The following TNPO1 variants were observed in gnomAD, a reference collection of about 807,000 sequenced individuals.
TNPO1 encodes transportin 1, also known as transportin-1.
Under a neutral mutation model 119.5 loss-of-function variants are expected in TNPO1, and 8 were observed. The observed-to-expected ratio is 0.07, with a 90% confidence interval of 0.04 to 0.12. TNPO1 has a LOEUF of 0.12. Ranked by LOEUF, TNPO1 falls within the 10% of genes least tolerant of loss-of-function variation. The pLI is 1.00. For missense variants in TNPO1, 576 were observed against 1,089.8 expected (o/e 0.53, Z 6.64); for synonymous variants, 362 against 363.0 (o/e 1.00, Z 0.03).
At position 72,885,405 on chromosome 5, in the gene TNPO1, T is replaced by C. The variant is rs75088428; in HGVS notation, c.1151-1665T>C. Among the ~76,000 whole-genome samples, 265 of 152,316 alleles carry C rather than the reference T, an allele frequency of 1.7e-3. 1 individual carries two copies. Among genetic ancestry groups the C allele is most frequent in the African/African-American group, 6.2e-3 (257 of 41,566 alleles). On this transcript the variant is annotated intron_variant, in intron 11 of 24. Transcript: ENST00000337273. ...ACACAGAAAACTCTACAAAATAATATACATACATGGATGGGGGAACACTTC... is the reference window on the plus strand; with the variant it reads ...ACACAGAAAACTCTACAAAATAATACACATACATGGATGGGGGAACACTTC...
chr5:72,817,230 A>G (rs1174960382), intron 1 of TNPO1, among the ~76,000 whole-genome samples: 2 of 152,154 alleles, frequency 1.3e-5, no homozygotes, highest in Non-Finnish European at 2.9e-5. Flanking sequence ...GCGTCCGCAC[A>G]CAGCGCCCAT....
chr5:72,907,427 T>C (rs1157412170), intron 24 of TNPO1, among the ~76,000 whole-genome samples: 1 of 152,164 alleles, frequency 6.6e-6, no homozygotes, highest in Non-Finnish European at 1.5e-5. Flanking sequence ...TGTACTCCTC[T>C]TCCTTTTCTT....
intron 22 of TNPO1, among the ~76,000 whole-genome samples, chr5:72,902,253 T>C (rs1415192523): frequency 6.6e-6 from 1 of 152,184 alleles, no homozygotes; most frequent in Non-Finnish European, 1.5e-5. Context: ...GTTTTGAACA[T>C]TTTTAAATTG....
Position 72,848,540 on chromosome 5 carries a change from C to T in TNPO1, c.129+42C>T, listed in dbSNP as rs567986384. On this transcript the variant is annotated intron_variant, in intron 2 of 24. Coordinates refer to ENST00000337273, the MANE Select transcript of TNPO1 (RefSeq NM_002270.4). ...CTGGCCGCCACCCGCGCAGCTCGCCCCGCGCTGCGGCCCAGCCCCCGGCGG... is the reference window on the plus strand; with the variant it reads ...CTGGCCGCCACCCGCGCAGCTCGCCTCGCGCTGCGGCCCAGCCCCCGGCGG... 24 of 1,356,722 alleles carry T rather than the reference C, an allele frequency of 1.8e-5. No homozygotes were observed. In the South Asian group the frequency reaches 3.2e-4, roughly 18 times the overall value. The allele number at this position is 1,356,722 out of a possible 1,614,324, so 84.0% of individuals were successfully genotyped here.
intron 8 of TNPO1, 102 bp from the exon 9 acceptor site, chr5:72,877,126 G>A (rs1438370100): frequency 5.4e-6 from 3 of 553,350 alleles, no homozygotes; most frequent in South Asian, 7.4e-5. Context: ...AATTGCCTAG[G>A]TTGAAAACCA....
Position 72,887,114 on chromosome 5 carries a change from C to G in TNPO1, c.1195C>G (p.Arg399Gly). The G allele has an allele frequency of 6.2e-7, 1 of 1,613,384 alleles. No homozygotes were observed. The highest frequency in any genetic ancestry group is 2.2e-5 in the East Asian group (1 of 44,860). The change falls in exon 12 of 25, where the codon CGT becomes GGT. Residue 399 changes from arginine to glycine, a missense_variant. Transcript: ENST00000337273. ...AALDVLANVY[R>G]DELLPHILPL... ...CCTGGATGTTCTTGCAAATGTGTAT[C>G]GTGATGAACTGCTGCCACATATTTT... is the stretch of plus-strand genomic sequence containing the variant.
intron 1 of TNPO1, among the ~76,000 whole-genome samples, chr5:72,831,040 T>G (rs1337487543): frequency 6.6e-6 from 1 of 152,146 alleles, no homozygotes; most frequent in Non-Finnish European, 1.5e-5. Flanking sequence ...ACATTAGTTT[T>G]CTTCGGCAGA....
At chr5:72,817,015 G>A in intron 1 of TNPO1, 1 of 476,200 alleles carries the variant, frequency 2.1e-6, no homozygotes. Flanking sequence ...GGCGGCAGGA[G>A]CCCGTTACAA....
In TNPO1 at chr5:72,891,839, G is replaced by C. The variant is rs1440991833; in HGVS notation, c.1731G>C (p.Leu577=). The change falls in exon 15 of 25, where the codon CTG becomes CTC. Residue 577 remains leucine (L), a synonymous_variant. Transcript: ENST00000337273. ...ATATTCAGATGCTAATGCCTCCACT[G>C]ATCCAGAAATGGAACATGTTAAAGG... is the stretch of plus-strand genomic sequence containing the variant. ...PEYIQMLMPP[L]IQKWNMLKDE... 1.2e-6 allele frequency: 2 copies of C among 1,610,802 alleles called. No homozygotes were observed. Among genetic ancestry groups the C allele is most frequent in the Non-Finnish European group, 1.7e-6 (2 of 1,178,590 alleles).
intron 21 of TNPO1, 45 bp downstream of exon 21, chr5:72,900,126 C>A: frequency 6.7e-7 from 1 of 1,481,948 alleles, no homozygotes; most frequent in Non-Finnish European, 9.4e-7. Context: ...TTTCTTCACT[C>A]TTTCTTTCTC....
intron 9 of TNPO1, among the ~76,000 whole-genome samples, chr5:72,878,260 T>G (rs1275290168): frequency 2.0e-5 from 3 of 152,092 alleles, no homozygotes; most frequent in East Asian, 1.9e-4. Context: ...AATAAAAGGT[T>G]GTTTCTTTTT....
chr5:72,878,948 G>A (rs1275654850), intron 9 of TNPO1: 3 of 501,378 alleles, frequency 6.0e-6, no homozygotes, highest in African/African-American at 2.0e-5. Flanking sequence ...AATTTGGCAC[G>A]AACCATGCCA....
chr5:72,903,597 T>C (rs1490508956), intron 22 of TNPO1, 112 bp from the exon 23 acceptor site: 1 of 693,594 alleles, frequency 1.4e-6, no homozygotes, highest in African/African-American at 1.8e-5. Flanking sequence ...TTTAAATGTT[T>C]CCTTTTTTAA....
At chr5:72,884,723 G>C (rs895861299) in intron 11 of TNPO1, among the ~76,000 whole-genome samples, 1 of 151,940 alleles carries the variant, frequency 6.6e-6, no homozygotes, top group Non-Finnish European at 1.5e-5. Context: ...CTCAGCCTTG[G>C]CACTATTGGC....
At chr5:72,842,793 T>G (rs977742129) in intron 1 of TNPO1, among the ~76,000 whole-genome samples, 2 of 152,226 alleles carry the variant, frequency 1.3e-5, no homozygotes, top group African/African-American at 4.8e-5. Flanking sequence ...CTAGGAGGAT[T>G]AATTCTTTTC....
chr5:72,857,316 CAA>C (rs5868650), intron 4 of TNPO1, among the ~76,000 whole-genome samples: 17 of 136,216 alleles, frequency 1.2e-4, no homozygotes, highest in African/African-American at 3.8e-4. Context: ...AAATCTGTCT[CAA>C]AAAAAAAAAA....
chr5:72,853,625 G>C (rs774234357), intron 3 of TNPO1, among the ~76,000 whole-genome samples: 13 of 150,774 alleles, frequency 8.6e-5, no homozygotes, highest in South Asian at 2.1e-4. Context: ...TTTTACGTTG[G>C]TGTAACACTT....
intron 5 of TNPO1, among the ~76,000 whole-genome samples, chr5:72,862,771 G>A (rs1325587750): frequency 1.3e-5 from 2 of 151,984 alleles, no homozygotes; most frequent in East Asian, 3.9e-4. Flanking sequence ...TCAGCCTCCC[G>A]AGTAGCTGCG....
At chr5:72,872,320 T>C (rs990293139) in intron 6 of TNPO1, among the ~76,000 whole-genome samples, 2 of 152,162 alleles carry the variant, frequency 1.3e-5, no homozygotes, top group African/African-American at 2.4e-5. Context: ...CATTTTTAAA[T>C]CTGTAGGCAT....
Sources: allele counts gnomAD v4.1 joint callset (sites outside exome capture counted in the v4.1 genomes callset), GRCh38; gene constraint gnomAD v4.1.1; transcripts MANE v1.5; gene names NCBI Gene and HGNC (gene_info 2026-07-23, HGNC 2026-07-21).